Variants in ANP32B observed in about 807,000 individuals in gnomAD.
ANP32B encodes the protein acidic leucine-rich nuclear phosphoprotein 32 family member B.
ANP32B carries 6 observed loss-of-function variants against 32.2 expected under a neutral mutation model. The observed-to-expected ratio is 0.19, with a 90% confidence interval of 0.10 to 0.37. ANP32B has a LOEUF of 0.37. Among genes scored for constraint, ANP32B ranks in the 10% least tolerant of loss-of-function variants. ANP32B has a pLI of 1.00. For synonymous variants in ANP32B, 98 were observed against 105.8 expected (o/e 0.93, Z 0.45); for missense variants, 204 against 289.2 (o/e 0.71, Z 2.14).
rs1457836479 is a variant in ANP32B, at chr9:97,983,361, C to T, written c.-195C>T. ...GCCCCCTTTTCCCTCCATGGTTTCTCTCCGCTCCCGTGAGTAACTTGGCTC... is the reference window on the plus strand; with the variant it reads ...GCCCCCTTTTCCCTCCATGGTTTCTTTCCGCTCCCGTGAGTAACTTGGCTC... On this transcript the variant is annotated 5_prime_UTR_variant, in exon 1 of 7. Coordinates refer to ENST00000339399, the MANE Select transcript of ANP32B (RefSeq NM_006401.3). The T allele has an allele frequency of 3.7e-6, 2 of 546,866 alleles. No homozygotes were observed. The highest frequency in any genetic ancestry group is 2.3e-5 in the South Asian group (1 of 43,870). The allele number at this position is 546,866 out of a possible 1,614,324, so 33.9% of individuals were successfully genotyped here. A position where few individuals can be genotyped will look rare whatever the true frequency, so the allele number is the denominator to read the frequency against.
At chr9:97,987,252 AAG>A (rs60707465) in intron 1 of ANP32B, among the ~76,000 whole-genome samples, 36,422 of 152,088 alleles carry the variant, frequency 0.24, 4,714 homozygotes, top group Non-Finnish European at 0.3. Context: ...AAAATGGCCT[AAG>A]ATGGCATTTT....
chr9:98,006,271 G>A (rs1648802482), intron 4 of ANP32B, among the ~76,000 whole-genome samples: 1 of 152,216 alleles, frequency 6.6e-6, no homozygotes, highest in African/African-American at 2.4e-5. Context: ...TCTGGTGGCA[G>A]GCTTTATAGT....
intron 4 of ANP32B, 52 bp from the exon 5 acceptor site, chr9:98,011,219 C>G: frequency 6.5e-7 from 1 of 1,532,648 alleles, no homozygotes; most frequent in South Asian, 1.2e-5. Flanking sequence ...AACACTTTGT[C>G]CCCTGTGGAG....
chr9:98,004,687 G>A (rs1828048493), intron 3 of ANP32B, among the ~76,000 whole-genome samples: 1 of 152,072 alleles, frequency 6.6e-6, no homozygotes, highest in African/African-American at 2.4e-5. Context: ...AAAATACCTG[G>A]ATTTAATAAA....
chr9:98,000,435 T>G (rs1827971010), intron 3 of ANP32B, among the ~76,000 whole-genome samples: 1 of 152,210 alleles, frequency 6.6e-6, no homozygotes, highest in Admixed American at 6.5e-5. Flanking sequence ...TTCGTTTCCT[T>G]CAAACCAACC....
intron 1 of ANP32B, 21 bp from the exon 2 acceptor site, chr9:97,994,610 T>TC: frequency 6.8e-7 from 1 of 1,475,236 alleles, no homozygotes; most frequent in Non-Finnish European, 8.9e-7. Context: ...GAGCTTATCC[T>TC]TTTTTCTTTG....
At position 98,015,806 on chromosome 9, in the gene ANP32B, A is replaced by G. The variant is rs1165168559; in HGVS notation, c.*375A>G. On this transcript the variant is annotated 3_prime_UTR_variant, in exon 7 of 7. Transcript: ENST00000339399. ...AAAAAGCTTTGTAAATAAAATCTTA[A>G]CATTTTGGGTCTGTTTTTTCATGCT... 1.0e-6 allele frequency: 1 copy of G among 985,318 alleles called. No homozygotes were observed. Among genetic ancestry groups the G allele is most frequent in the Non-Finnish European group, 1.2e-6 (1 of 829,058 alleles). The allele number at this position is 985,318 out of a possible 1,614,324, so 61.0% of individuals were successfully genotyped here.
At chr9:97,999,977 A>G (rs1181323905) in intron 3 of ANP32B, among the ~76,000 whole-genome samples, 1 of 152,206 alleles carries the variant, frequency 6.6e-6, no homozygotes, top group African/African-American at 2.4e-5. Flanking sequence ...ATTTCACATC[A>G]CTTGTATAGA....
chr9:97,994,498 G>T, intron 1 of ANP32B, 133 bp from the exon 2 acceptor site: 1 of 753,808 alleles, frequency 1.3e-6, no homozygotes, highest in Non-Finnish European at 2.1e-6. Flanking sequence ...TTATAACTAT[G>T]ATCTAGGTCT....
intron 1 of ANP32B, among the ~76,000 whole-genome samples, chr9:97,985,294 G>C (rs1013288651): frequency 2.6e-5 from 4 of 152,246 alleles, no homozygotes; most frequent in Non-Finnish European, 5.9e-5. Context: ...TTAAATCCTT[G>C]CTCTCTAGTC....
At chr9:98,002,439 A>G (rs1225258134) in intron 3 of ANP32B, 2 of 152,176 alleles carry the variant, frequency 1.3e-5, no homozygotes, top group African/African-American at 4.8e-5. Flanking sequence ...TGGCTAGCCT[A>G]TTAGCTTACA....
chr9:98,002,053 G>A (rs538177454), intron 3 of ANP32B, among the ~76,000 whole-genome samples: 1 of 152,132 alleles, frequency 6.6e-6, no homozygotes, highest in African/African-American at 2.4e-5. Flanking sequence ...GATTCCTGGC[G>A]GTGCTAGGTT....
At chr9:97,985,384 C>T (rs1827708303) in intron 1 of ANP32B, among the ~76,000 whole-genome samples, 1 of 152,140 alleles carries the variant, frequency 6.6e-6, no homozygotes, top group South Asian at 2.1e-4. Flanking sequence ...CGAGGGTGGG[C>T]CGCTCCGGGG....
At chr9:97,990,831 T>C (rs913449260) in intron 1 of ANP32B, among the ~76,000 whole-genome samples, 1 of 149,108 alleles carries the variant, frequency 6.7e-6, no homozygotes, top group Non-Finnish European at 1.5e-5. Flanking sequence ...TTTTTTTTTT[T>C]TTTTTTGAGA....
At chr9:98,010,913 A>C (rs1340124133) in intron 4 of ANP32B, among the ~76,000 whole-genome samples, 1 of 151,818 alleles carries the variant, frequency 6.6e-6, no homozygotes, top group Non-Finnish European at 1.5e-5. Flanking sequence ...AGCAAAATGA[A>C]CCCCCATGTT....
chr9:98,011,448 T>C, intron 5 of ANP32B, 59 bp downstream of exon 5: 1 of 1,538,824 alleles, frequency 6.5e-7, no homozygotes, highest in Non-Finnish European at 8.7e-7. Flanking sequence ...AAGTGGGGGT[T>C]TCAAAAAGAT....
intron 1 of ANP32B, among the ~76,000 whole-genome samples, chr9:97,989,715 A>G (rs1429445649): frequency 9.2e-5 from 14 of 151,988 alleles, no homozygotes. Context: ...TCTCAACTAC[A>G]CTCTTCCAAA....
intron 3 of ANP32B, among the ~76,000 whole-genome samples, chr9:98,000,526 G>A (rs1827972677): frequency 6.6e-6 from 1 of 152,156 alleles, no homozygotes. Flanking sequence ...GTATCCTTAA[G>A]TAACCCAGAG....
chr9:97,999,638 G>A lies in ANP32B; in HGVS notation c.327+960G>A, dbSNP rs894663340. Among the ~76,000 whole-genome samples the A allele has an allele frequency of 7.9e-5, 12 of 152,318 alleles. No homozygotes were observed. In the East Asian group the frequency reaches 2.3e-3, roughly 29 times the overall value. ...GGCCTCAGTTTCCTCACTTATAGCA[G>A]GGAGGATAATAATCCCTGCCTTACT... is the stretch of plus-strand genomic sequence containing the variant. On this transcript the variant is annotated intron_variant, in intron 3 of 6. Transcript: ENST00000339399.
Sources: allele counts gnomAD v4.1 joint callset (sites outside exome capture counted in the v4.1 genomes callset), GRCh38; gene constraint gnomAD v4.1.1; transcripts MANE v1.5; gene names NCBI Gene and HGNC (gene_info 2026-07-23, HGNC 2026-07-21).